The following INPP4B variants were observed in gnomAD, a reference collection of about 807,000 sequenced individuals.
The protein encoded by INPP4B is inositol polyphosphate-4-phosphatase type II B, also known as inositol polyphosphate 4-phosphatase type II.
In INPP4B, 55 loss-of-function variants were observed where a neutral mutation model predicts 122.5. The ratio of observed to expected loss-of-function variants is 0.45; its 90% CI spans 0.36 to 0.56. The LOEUF (loss-of-function observed/expected upper bound fraction) is 0.56. Ranked by LOEUF, INPP4B falls within the 20% of genes least tolerant of loss-of-function variation. The pLI, the probability that INPP4B is intolerant of heterozygous loss-of-function variation, is 0.00. For synonymous variants in INPP4B, 403 were observed against 388.7 expected (o/e 1.04, Z -0.43); for missense variants, 1,000 against 1,097.7 (o/e 0.91, Z 1.26).
chr4:142,586,742 T>C (rs1736292654), intron 2 of INPP4B, among the ~76,000 whole-genome samples: 1 of 152,132 alleles, frequency 6.6e-6, no homozygotes, highest in Non-Finnish European at 1.5e-5. Flanking sequence ...GGCATTTATT[T>C]TACCTTGTGA....
chr4:142,095,522 A>G (rs886454977), intron 23 of INPP4B, among the ~76,000 whole-genome samples: 6 of 152,300 alleles, frequency 3.9e-5, no homozygotes, highest in Admixed American at 2.6e-4. Context: ...TATTTCCAAA[A>G]GGGATGATGA....
At chr4:142,223,125 T>G (rs918611156) in intron 12 of INPP4B, among the ~76,000 whole-genome samples, 1 of 152,040 alleles carries the variant, frequency 6.6e-6, no homozygotes, top group Admixed American at 6.6e-5. Context: ...GGCCATGTCA[T>G]ATAGCTATTA....
chr4:142,563,303 G>A (rs1730868217), intron 2 of INPP4B, among the ~76,000 whole-genome samples: 1 of 152,168 alleles, frequency 6.6e-6, no homozygotes, highest in Non-Finnish European at 1.5e-5. Context: ...TTCATTTTAA[G>A]ATGTAACTAA....
At chr4:142,137,488 G>A (rs1159238378) in intron 18 of INPP4B, among the ~76,000 whole-genome samples, 27 of 64,922 alleles carry the variant, frequency 4.2e-4, no homozygotes, top group African/African-American at 7.8e-4. Flanking sequence ...AGGACTTCAT[G>A]TCTAAAACAC....
chr4:142,500,615 G>A (rs1823238988), intron 2 of INPP4B, among the ~76,000 whole-genome samples: 1 of 152,146 alleles, frequency 6.6e-6, no homozygotes. Flanking sequence ...ACCCACGGAG[G>A]GCATTTAGGT....
chr4:142,560,130 A>G (rs1730127235), intron 2 of INPP4B, among the ~76,000 whole-genome samples: 1 of 152,164 alleles, frequency 6.6e-6, no homozygotes, highest in African/African-American at 2.4e-5. Context: ...TGTTTTCTCT[A>G]TTGAGATTGC....
At chr4:142,171,777 A>G (rs1175641435) in intron 16 of INPP4B, among the ~76,000 whole-genome samples, 1 of 151,858 alleles carries the variant, frequency 6.6e-6, no homozygotes, top group Non-Finnish European at 1.5e-5. Flanking sequence ...GAGAAAACAT[A>G]GGGGAAAAAG....
chr4:142,748,154 A>G (rs193260862), intron 1 of INPP4B, among the ~76,000 whole-genome samples: 44 of 152,278 alleles, frequency 2.9e-4, no homozygotes, highest in South Asian at 1.0e-3. Flanking sequence ...CCACTTCTAA[A>G]TAACCCATAG....
In INPP4B at chr4:142,024,803, G is replaced by T. The variant is rs1275871643; in HGVS notation, c.*3979C>A. Reference sequence around the variant, plus strand: ...TACATTTTTAGTGATATCTGATTGGGCTAACAGTTCCCTGAATTTAGCCCT... The same window carrying T: ...TACATTTTTAGTGATATCTGATTGGTCTAACAGTTCCCTGAATTTAGCCCT... On this transcript the variant is annotated 3_prime_UTR_variant, in exon 26 of 26. Coordinates refer to ENST00000262992, the MANE Select transcript of INPP4B (RefSeq NM_001101669.3). 6.6e-6 allele frequency: 1 copy of T among 152,054 alleles called. No homozygotes were observed. Among genetic ancestry groups the T allele is most frequent in the Non-Finnish European group, 1.5e-5 (1 of 68,000 alleles). 9.4% of individuals were successfully genotyped at this position (152,054 alleles called of 1,614,324 possible).
Position 142,320,363 on chromosome 4 carries a change from T to TAC in INPP4B, c.373-5603_373-5602dup, listed in dbSNP as rs372256226. 3.6e-3 allele frequency among the ~76,000 whole-genome samples: 555 copies of TAC among 152,304 alleles called. 1 individual carries two copies. Among genetic ancestry groups the TAC allele is most frequent in the African/African-American group, 0.013 (527 of 41,564 alleles). On this transcript the variant is annotated intron_variant, in intron 7 of 25. Coordinates refer to ENST00000262992, the MANE Select transcript of INPP4B (RefSeq NM_001101669.3). Reference sequence around the variant, plus strand: ...AGTATTGAGGATTATGCAGGGATGCTACACCATGGAGTGGTAATTTTGGGA... The same window carrying TAC: ...AGTATTGAGGATTATGCAGGGATGCTACACACCATGGAGTGGTAATTTTGGGA...
chr4:142,199,405 T>C (rs990366784), intron 14 of INPP4B, among the ~76,000 whole-genome samples: 2 of 152,002 alleles, frequency 1.3e-5, no homozygotes, highest in African/African-American at 4.8e-5. Context: ...GTATGTAATA[T>C]GTATATATAT....
At position 142,314,820 on chromosome 4, in the gene INPP4B, G is replaced by A. The variant is rs146853781; in HGVS notation, c.373-58C>T. 2.5e-4 allele frequency: 349 copies of A among 1,393,980 alleles called. 2 individuals are homozygous for A. In the Middle Eastern group the frequency reaches 1.0e-2, roughly 40 times the overall value. 86.4% of individuals were successfully genotyped at this position (1,393,980 alleles called of 1,614,324 possible). A position where few individuals can be genotyped will look rare whatever the true frequency, so the allele number is the denominator to read the frequency against. On this transcript the variant is annotated intron_variant, in intron 7 of 25. Transcript: ENST00000262992. The stretch of plus-strand genomic sequence containing the variant: ...GAGTAGAAACTAGTGCAGAAGCCTC[G>A]CACAGGTGCTGGGTTTCAATTTCCT...
At chr4:142,714,259 A>G (rs1373033) in intron 2 of INPP4B, among the ~76,000 whole-genome samples, 6,372 of 152,276 alleles carry the variant, frequency 0.042, 188 homozygotes, top group African/African-American at 0.083. Context: ...ACTTCAGGCA[A>G]TTTGACAGAC....
chr4:142,045,683 CA>C (rs1266525356), intron 25 of INPP4B, among the ~76,000 whole-genome samples: 2 of 152,020 alleles, frequency 1.3e-5, no homozygotes, highest in African/African-American at 4.8e-5. Context: ...GAATATTTCC[CA>C]AAATGTGTGT....
intron 7 of INPP4B, among the ~76,000 whole-genome samples, chr4:142,331,820 G>T (rs936526466): frequency 1.1e-4 from 17 of 149,688 alleles, no homozygotes; most frequent in African/African-American, 3.9e-4. Context: ...TCTATCTTTG[G>T]AGCTTCTAAT....
chr4:142,806,398 T>G (rs1463078196), intron 1 of INPP4B, among the ~76,000 whole-genome samples: 6 of 152,000 alleles, frequency 3.9e-5, no homozygotes, highest in Non-Finnish European at 5.9e-5. Context: ...TAAATACATT[T>G]TTTTAAAAAG....
chr4:142,640,109 T>C (rs140251095), intron 2 of INPP4B, among the ~76,000 whole-genome samples: 52 of 152,250 alleles, frequency 3.4e-4, no homozygotes, highest in African/African-American at 1.2e-3. Flanking sequence ...ACTGTGACTG[T>C]ACTAGGCAAA....
intron 21 of INPP4B, among the ~76,000 whole-genome samples, chr4:142,118,780 C>T (rs1288445240): frequency 6.6e-6 from 1 of 152,102 alleles, no homozygotes; most frequent in Non-Finnish European, 1.5e-5. Context: ...CAACAAAAGC[C>T]AAAATTGAGA....
chr4:142,604,652 A>G (rs1740822288), intron 2 of INPP4B, among the ~76,000 whole-genome samples: 1 of 151,988 alleles, frequency 6.6e-6, no homozygotes, highest in Non-Finnish European at 1.5e-5. Context: ...CTTGAAAATA[A>G]ATTTAACCAA....
Sources: allele counts gnomAD v4.1 joint callset (sites outside exome capture counted in the v4.1 genomes callset), GRCh38; gene constraint gnomAD v4.1.1; transcripts MANE v1.5; gene names NCBI Gene and HGNC (gene_info 2026-07-23, HGNC 2026-07-21).